CDH4: variants seen among roughly 807,000 people sequenced by gnomAD.
CDH4 encodes the protein cadherin 4.
Under a neutral mutation model 86.0 loss-of-function variants are expected in CDH4, and 33 were observed. The ratio of observed to expected loss-of-function variants is 0.38; its 90% CI spans 0.29 to 0.51. CDH4 has a LOEUF of 0.51. Ranked by LOEUF, CDH4 falls within the 20% of genes least tolerant of loss-of-function variation. CDH4 has a pLI of 0.86. For missense variants in CDH4, 1,114 were observed against 1,307.4 expected (o/e 0.85, Z 2.28); for synonymous variants, 555 against 549.4 (o/e 1.01, Z -0.14).
intron 2 of CDH4, among the ~76,000 whole-genome samples, chr20:61,533,311 G>A (rs1252389084): frequency 2.0e-5 from 3 of 152,192 alleles, no homozygotes; most frequent in African/African-American, 7.2e-5. Context: ...GCACGGGGAA[G>A]GATCGGACAC....
intron 4 of CDH4, among the ~76,000 whole-genome samples, chr20:61,774,312 C>G (rs576275454): frequency 2.5e-4 from 38 of 152,320 alleles, no homozygotes; most frequent in Non-Finnish European, 1.0e-4. Flanking sequence ...GGTTGGAACC[C>G]CATCCTGGGC....
chr20:61,777,935 C>A (rs538396807), intron 4 of CDH4, among the ~76,000 whole-genome samples: 30 of 151,450 alleles, frequency 2.0e-4, no homozygotes, highest in African/African-American at 6.8e-4. Context: ...CATACACGTG[C>A]ATACTATACA....
At chr20:61,357,360 C>A (rs988807832) in intron 2 of CDH4, among the ~76,000 whole-genome samples, 4 of 151,698 alleles carry the variant, frequency 2.6e-5, no homozygotes, top group African/African-American at 7.2e-5. Context: ...CTCACCCTGC[C>A]GTGTTGCAGC....
intron 2 of CDH4, among the ~76,000 whole-genome samples, chr20:61,526,932 T>C (rs551906116): frequency 6.6e-6 from 1 of 152,378 alleles, no homozygotes; most frequent in East Asian, 1.9e-4. Context: ...GGAAAGCTTT[T>C]TGAAAATTGA....
Position 61,794,020 on chromosome 20 carries a change from G to A in CDH4, c.576+20838G>A, listed in dbSNP as rs1979382751. Among the ~76,000 whole-genome samples, 15 of 149,568 alleles carry A rather than the reference G, an allele frequency of 1.0e-4. No homozygotes were observed. The South Asian group carries it at 3.0e-3, about 30-fold the overall frequency. On this transcript the variant is annotated intron_variant, in intron 4 of 15. Transcript: ENST00000614565. ...TAGCTGGGCGTGGTGGCGGGCACCT[G>A]TAGTCCCAGCTACTCGGGAGGCTGA... is the stretch of plus-strand genomic sequence containing the variant.
chr20:61,826,041 C>A (rs1981296121), intron 4 of CDH4, among the ~76,000 whole-genome samples: 1 of 152,206 alleles, frequency 6.6e-6, no homozygotes, highest in African/African-American at 2.4e-5. Context: ...ATTGCCGCAG[C>A]CTCCTCACGG....
intron 2 of CDH4, among the ~76,000 whole-genome samples, chr20:61,461,290 A>C (rs1380317398): frequency 6.6e-6 from 1 of 152,180 alleles, no homozygotes; most frequent in Non-Finnish European, 1.5e-5. Flanking sequence ...CTGCAATTAA[A>C]AAGGGTATTA....
At chr20:61,669,246 G>T (rs1393806941) in intron 2 of CDH4, among the ~76,000 whole-genome samples, 1 of 152,216 alleles carries the variant, frequency 6.6e-6, no homozygotes, top group African/African-American at 2.4e-5. Context: ...AGAGTTAAAG[G>T]GAGCCAGTCC....
At chr20:61,565,214 TCGGTGGTAGG>T (rs149072266) in intron 2 of CDH4, among the ~76,000 whole-genome samples, 2,303 of 30,912 alleles carry the variant, frequency 0.075, 306 homozygotes, top group Middle Eastern at 0.12. Flanking sequence ...CGCGGTGCTC[TCGGTGGTAGG>T]TGGTGGTGGT....
chr20:61,901,723 C>G (rs560124659), intron 8 of CDH4, among the ~76,000 whole-genome samples: 1 of 152,258 alleles, frequency 6.6e-6, no homozygotes, highest in Non-Finnish European at 1.5e-5. Flanking sequence ...ACCAGCCGGA[C>G]GCTTCTGAGT....
At position 61,915,563 on chromosome 20, in the gene CDH4, C is replaced by T. The variant is rs141783700; in HGVS notation, c.1374+4956C>T. On this transcript the variant is annotated intron_variant, in intron 9 of 15. Coordinates refer to ENST00000614565, the MANE Select transcript of CDH4 (RefSeq NM_001794.5). The stretch of plus-strand genomic sequence containing the variant: ...GTCCTATAATGGGAAGCTGCTCAGC[C>T]GTCAAAAGGAACAAACGGGAGATCC... Among the ~76,000 whole-genome samples, 17 of 152,324 alleles carry T rather than the reference C, an allele frequency of 1.1e-4. No homozygotes were observed. In the East Asian group the frequency reaches 3.1e-3, roughly 28 times the overall value.
intron 2 of CDH4, among the ~76,000 whole-genome samples, chr20:61,714,021 T>G (rs8118450): frequency 0.043 from 5,800 of 134,290 alleles, 302 homozygotes; most frequent in South Asian, 0.13. Context: ...GTCTATTCTT[T>G]TTTTATTTTA....
intron 2 of CDH4, among the ~76,000 whole-genome samples, chr20:61,445,597 A>G (rs74963182): frequency 0.018 from 2,795 of 151,952 alleles, 43 homozygotes; most frequent in African/African-American, 0.039. Context: ...CCTTCTTCCA[A>G]CAGGTCAGCA....
chr20:61,515,185 C>T (rs926959051), intron 2 of CDH4, among the ~76,000 whole-genome samples: 1 of 152,256 alleles, frequency 6.6e-6, no homozygotes, highest in Non-Finnish European at 1.5e-5. Flanking sequence ...CTGTGGGTGG[C>T]CCAGCACCGG....
chr20:61,921,406 C>T (rs568963285), intron 9 of CDH4, among the ~76,000 whole-genome samples: 1 of 152,342 alleles, frequency 6.6e-6, no homozygotes, highest in South Asian at 2.1e-4. Context: ...TTTTTAATTA[C>T]CAGACCTCAT....
At chr20:61,463,758 C>T (rs1029164341) in intron 2 of CDH4, among the ~76,000 whole-genome samples, 4 of 152,158 alleles carry the variant, frequency 2.6e-5, no homozygotes, top group East Asian at 1.9e-4. Context: ...GGGAGAGAGA[C>T]TGAACTCAAC....
chr20:61,386,024 C>T (rs2084949242), intron 2 of CDH4, among the ~76,000 whole-genome samples: 1 of 152,230 alleles, frequency 6.6e-6, no homozygotes, highest in South Asian at 2.1e-4. Flanking sequence ...GGATGTTTCT[C>T]CCGTGGCTCT....
chr20:61,860,225 T>G (rs2146127012), intron 6 of CDH4, among the ~76,000 whole-genome samples: 1 of 152,354 alleles, frequency 6.6e-6, no homozygotes, highest in Admixed American at 6.5e-5. Flanking sequence ...TTCTGTCAAC[T>G]CAAACCTCTC....
At position 61,923,365 on chromosome 20, in the gene CDH4, G is replaced by A. The variant is rs1332454460; in HGVS notation, c.1375-86G>A. 5.1e-6 allele frequency: 7 copies of A among 1,378,274 alleles called. No individual in the cohort carries two copies. The South Asian group carries it at 6.3e-5, about 12-fold the overall frequency. The allele number at this position is 1,378,274 out of a possible 1,614,324, so 85.4% of individuals were successfully genotyped here. A position where few individuals can be genotyped will look rare whatever the true frequency, so the allele number is the denominator to read the frequency against. ...AGCTGGACATGGCTCAGGGAGGGGT[G>A]GAGACCAACCTTCCCATGTGTCCCC... On this transcript the variant is annotated intron_variant, in intron 9 of 15. Transcript: ENST00000614565.
Sources: gnomAD v4.1 joint callset for allele counts (sites outside exome capture counted in the v4.1 genomes callset) on GRCh38, gnomAD v4.1.1 for gene constraint, MANE v1.5 for transcripts, NCBI Gene and HGNC (gene_info 2026-07-23, HGNC 2026-07-21) for gene names.